PRKCH: variants seen among roughly 807,000 people sequenced by gnomAD.
PRKCH encodes protein kinase C eta.
Under a neutral mutation model 82.5 loss-of-function variants are expected in PRKCH, and 28 were observed. The observed-to-expected ratio is 0.34, with a 90% confidence interval of 0.25 to 0.47. The LOEUF is 0.47. Among genes scored for constraint, PRKCH ranks in the 20% least tolerant of loss-of-function variants. The pLI is 1.00. For missense variants in PRKCH, 705 were observed against 881.8 expected, an observed-to-expected ratio of 0.80 and a Z score of 2.54; for synonymous variants, 322 against 327.4, an observed-to-expected ratio of 0.98 and a Z score of 0.18.
At chr14:61,355,173 C>G (rs1228378776) in intron 1 of PRKCH, among the ~76,000 whole-genome samples, 1 of 152,168 alleles carries the variant, frequency 6.6e-6, no homozygotes, top group Non-Finnish European at 1.5e-5. Context: ...CATTTAATGT[C>G]TTACTTTTGC....
chr14:61,269,814 C>T (rs1028557311), intron 1 of PRKCH, among the ~76,000 whole-genome samples: 1 of 152,186 alleles, frequency 6.6e-6, no homozygotes, highest in Non-Finnish European at 1.5e-5. Flanking sequence ...GACCGACAAT[C>T]AACCTGAGAA....
chr14:61,440,243 G>A (rs1883892138), intron 2 of PRKCH, among the ~76,000 whole-genome samples: 1 of 152,144 alleles, frequency 6.6e-6, no homozygotes, highest in Admixed American at 6.5e-5. Flanking sequence ...AGTGGAAGAG[G>A]GCAGTGTAGT....
chr14:61,523,367 T>G (rs954843371), intron 10 of PRKCH, among the ~76,000 whole-genome samples: 4 of 152,244 alleles, frequency 2.6e-5, no homozygotes, highest in Non-Finnish European at 5.9e-5. Context: ...CTCAGGTGGT[T>G]CTTGTTTCAA....
At chr14:61,545,336 G>A (rs1415305486) in intron 12 of PRKCH, 1 of 152,156 alleles carries the variant, frequency 6.6e-6, no homozygotes, top group East Asian at 1.9e-4. Flanking sequence ...CCTCTTCCAA[G>A]CTCTCACAGC....
In PRKCH at chr14:61,280,705, G is replaced by A. The variant is rs770909672; in HGVS notation, c.-19+93037G>A. 8 of 1,579,220 alleles carry A rather than the reference G, an allele frequency of 5.1e-6. No homozygotes were observed. The East Asian group carries it at 1.4e-4, about 27-fold the overall frequency. Reference sequence around the variant, plus strand: ...GCCGGCCGCGCTGCGCTGGTAGGGGGCGCACTCGTTGACAGGGTGGCGCAG... The same window carrying A: ...GCCGGCCGCGCTGCGCTGGTAGGGGACGCACTCGTTGACAGGGTGGCGCAG... On this transcript the variant is annotated intron_variant, in intron 1 of 3. Transcript: ENST00000555185. The surrounding 1 kb of genome is among the most constrained non-coding windows in gnomAD (Gnocchi z 5.0).
intron 2 of PRKCH, among the ~76,000 whole-genome samples, chr14:61,437,245 A>G (rs1480560665): frequency 6.6e-6 from 1 of 152,122 alleles, no homozygotes; most frequent in African/African-American, 2.4e-5. Context: ...TTACATTTTT[A>G]TGCATCATTC....
chr14:61,272,340 C>CTTT (rs1335053986), intron 1 of PRKCH, among the ~76,000 whole-genome samples: 7 of 97,838 alleles, frequency 7.2e-5, no homozygotes, highest in East Asian at 3.5e-4. Context: ...TTTCTTTTTT[C>CTTT]TTTCTTTTTT....
chr14:61,375,021 C>G (rs1339800989), intron 1 of PRKCH, among the ~76,000 whole-genome samples: 1 of 152,092 alleles, frequency 6.6e-6, no homozygotes, highest in Admixed American at 6.5e-5. Context: ...CCTTTCTTCA[C>G]TCATATGAGT....
At chr14:61,204,333 T>C (rs1000906350) in intron 1 of PRKCH, among the ~76,000 whole-genome samples, 1 of 152,200 alleles carries the variant, frequency 6.6e-6, no homozygotes, top group African/African-American at 2.4e-5. Context: ...TTGCATTTTA[T>C]GTATGAGGAA....
intron 1 of PRKCH, among the ~76,000 whole-genome samples, chr14:61,313,140 A>G (rs935155128): frequency 2.6e-5 from 4 of 152,228 alleles, no homozygotes; most frequent in Admixed American, 2.0e-4. Flanking sequence ...AGAGAATGCC[A>G]TCAAGACCTA....
At chr14:61,447,401 G>A (rs1884279233) in intron 4 of PRKCH, among the ~76,000 whole-genome samples, 2 of 152,216 alleles carry the variant, frequency 1.3e-5, no homozygotes, top group Non-Finnish European at 2.9e-5. Flanking sequence ...CAGGGAATCA[G>A]TAGGGATATA....
At chr14:61,220,646 C>T (rs1026710739) in intron 1 of PRKCH, among the ~76,000 whole-genome samples, 4 of 152,096 alleles carry the variant, frequency 2.6e-5, no homozygotes, top group Non-Finnish European at 5.9e-5. Context: ...TAAGAAACGA[C>T]GAGAGGAAAA....
chr14:61,448,833 T>C (rs1039302995), intron 4 of PRKCH, among the ~76,000 whole-genome samples: 1 of 152,138 alleles, frequency 6.6e-6, no homozygotes, highest in Admixed American at 6.5e-5. Context: ...ATTTGAACTT[T>C]GTTGATCGGC....
chr14:61,327,327 T>C (rs930814513), intron 1 of PRKCH: 13 of 333,770 alleles, frequency 3.9e-5, no homozygotes, highest in African/African-American at 2.8e-4. Flanking sequence ...TAGTGGTTCA[T>C]TCTCTTTTGT....
At chr14:61,504,656 A>G (rs1326329046) in intron 10 of PRKCH, among the ~76,000 whole-genome samples, 1 of 152,196 alleles carries the variant, frequency 6.6e-6, no homozygotes, top group Non-Finnish European at 1.5e-5. Flanking sequence ...TTTTCCTTTG[A>G]TGGAGTATTC....
chr14:61,415,225 AGT>A (rs1882491670), intron 2 of PRKCH, among the ~76,000 whole-genome samples: 1 of 152,224 alleles, frequency 6.6e-6, no homozygotes, highest in Non-Finnish European at 1.5e-5. Flanking sequence ...AGCAATTTGA[AGT>A]GTGTGTTCTA....
At chr14:61,518,550 T>C (rs1317883192) in intron 10 of PRKCH, among the ~76,000 whole-genome samples, 1 of 152,240 alleles carries the variant, frequency 6.6e-6, no homozygotes, top group South Asian at 2.1e-4. Context: ...TGAGGATGTT[T>C]ATCAAACTCA....
At chr14:61,434,538 T>G (rs1031144935) in intron 2 of PRKCH, among the ~76,000 whole-genome samples, 2 of 152,192 alleles carry the variant, frequency 1.3e-5, no homozygotes, top group African/African-American at 4.8e-5. Flanking sequence ...GAAATATTCA[T>G]AGAATCACAG....
chr14:61,452,978 T>C, intron 6 of PRKCH: 4 of 499,326 alleles, frequency 8.0e-6, no homozygotes, highest in East Asian at 7.3e-5. Flanking sequence ...CATCAAATCA[T>C]GGTGGAAAAA....
Sources: gnomAD v4.1 joint callset for allele counts (sites outside exome capture counted in the v4.1 genomes callset) on GRCh38, gnomAD v4.1.1 for gene constraint, Gnocchi (gnomAD v3.1) non-coding constraint, MANE v1.5 for transcripts, NCBI Gene and HGNC (gene_info 2026-07-23, HGNC 2026-07-21) for gene names.